Variants in PCDHA3 observed in about 807,000 individuals in gnomAD.
PCDHA3 encodes protocadherin alpha 3.
Under a neutral mutation model 62.2 loss-of-function variants are expected in PCDHA3, and 41 were observed. The ratio of observed to expected loss-of-function variants is 0.66; its 90% CI spans 0.51 to 0.86. The LOEUF is 0.86. Ranked by LOEUF, PCDHA3 falls within the 40% of genes least tolerant of loss-of-function variation. The pLI is 0.00. For missense variants in PCDHA3, 1,304 were observed against 1,241.2 expected (o/e 1.05, Z -0.76); for synonymous variants, 640 against 555.4 (o/e 1.15, Z -2.14).
In PCDHA3 at chr5:140,848,449, A is replaced by C. The variant is rs2150410589; in HGVS notation, c.2394+44858A>C. The C allele has an allele frequency of 8.6e-6, 13 of 1,509,804 alleles. 2 individuals are homozygous for C. In the Admixed American group the frequency reaches 2.4e-4, roughly 28 times the overall value. The allele number at this position is 1,509,804 out of a possible 1,614,324, so 93.5% of individuals were successfully genotyped here. On this transcript the variant is annotated intron_variant, in intron 1 of 3. Coordinates refer to ENST00000522353, the MANE Select transcript of PCDHA3 (RefSeq NM_018906.3). ...CTGACGAAATCAGATGATTTCTTCT[A>C]ATTTGGAGGCAATTTTCACTAATTA...
At chr5:140,842,109 A>C (rs2150329529) in intron 1 of PCDHA3, 16 of 1,613,740 alleles carry the variant, frequency 9.9e-6, no homozygotes, top group Non-Finnish European at 1.4e-5. Context: ...ACAGTTATCA[A>C]ACTGAATGCT....
intron 1 of PCDHA3, chr5:140,966,646 G>A: frequency 1.8e-6 from 2 of 1,139,684 alleles, no homozygotes; most frequent in Non-Finnish European, 2.3e-6. Flanking sequence ...TTTCTAGAGC[G>A]TGAGCGGTGG....
intron 1 of PCDHA3, chr5:140,859,867 TC>T (rs2046061567): frequency 6.6e-6 from 1 of 152,134 alleles, no homozygotes; most frequent in East Asian, 1.9e-4. Context: ...AATATATACT[TC>T]CCCCTCTGAT....
chr5:140,943,751 T>C (rs947548745), intron 1 of PCDHA3, among the ~76,000 whole-genome samples: 1 of 152,048 alleles, frequency 6.6e-6, no homozygotes, highest in South Asian at 2.1e-4. Flanking sequence ...CTAAAAGCAG[T>C]AGGAGATGTA....
chr5:140,853,247 C>T lies in PCDHA3; in HGVS notation c.2394+49656C>T, dbSNP rs985398812. ...GTAATTTAGTCCTTCATATTAATCT[C>T]TATTCTCTCTCAGAGTACAAGCTCT... On this transcript the variant is annotated intron_variant, in intron 1 of 3. Transcript: ENST00000522353. 2 of 976,048 alleles carry T rather than the reference C, an allele frequency of 2.0e-6. 1 individual carries two copies. Among genetic ancestry groups the T allele is most frequent in the Non-Finnish European group, 2.5e-6 (2 of 809,028 alleles). 60.5% of individuals were successfully genotyped at this position (976,048 alleles called of 1,614,324 possible).
chr5:140,869,867 C>A (rs1554163562), intron 1 of PCDHA3: 7 of 1,609,988 alleles, frequency 4.3e-6, no homozygotes, highest in Non-Finnish European at 5.9e-6. Context: ...ATGGAAAATG[C>A]TGCTAAAGAA....
At chr5:140,980,515 A>G (rs779201653) in intron 2 of PCDHA3, among the ~76,000 whole-genome samples, 18 of 152,182 alleles carry the variant, frequency 1.2e-4, no homozygotes, top group Non-Finnish European at 2.5e-4. Flanking sequence ...CTGTAGTTCC[A>G]GCTACTAGGG....
chr5:140,858,176 G>A, intron 1 of PCDHA3: 1 of 1,597,746 alleles, frequency 6.3e-7, no homozygotes, highest in Non-Finnish European at 8.6e-7. Flanking sequence ...CAGCTTGCTG[G>A]TGCTCACGCT....
rs114871325 is a variant in PCDHA3, at chr5:140,841,052, T to C, written c.2394+37461T>C. 3.2e-3 allele frequency: 1,400 copies of C among 431,624 alleles called. 26 individuals carry two copies. The highest frequency in any genetic ancestry group is 0.026 in the African/African-American group (1,290 of 50,274). 26.7% of individuals were successfully genotyped at this position (431,624 alleles called of 1,614,324 possible). ...AATTGATAAAGTTAAGGATTTACTA[T>C]TAAATTATGATAAAGAAATAGAAAG... On this transcript the variant is annotated intron_variant, in intron 1 of 3. Transcript: ENST00000522353.
intron 1 of PCDHA3, chr5:140,843,668 G>C: frequency 6.3e-7 from 1 of 1,593,338 alleles, no homozygotes; most frequent in South Asian, 1.1e-5. Flanking sequence ...TCTGGGATCA[G>C]TTGATGTAGG....
At chr5:140,872,582 G>T (rs535860760) in intron 1 of PCDHA3, among the ~76,000 whole-genome samples, 2 of 152,202 alleles carry the variant, frequency 1.3e-5, no homozygotes, top group African/African-American at 4.8e-5. Context: ...ACCTATCATC[G>T]TGAGACCCCC....
chr5:140,883,722 A>G (rs1249317360), intron 1 of PCDHA3: 1 of 1,613,546 alleles, frequency 6.2e-7, no homozygotes, highest in Non-Finnish European at 8.5e-7. Context: ...GCGGACGCAC[A>G]GGAGAACGCG....
intron 1 of PCDHA3, chr5:140,827,925 T>TG (rs1769455571): frequency 1.0e-6 from 1 of 988,318 alleles, no homozygotes; most frequent in African/African-American, 1.6e-5. Context: ...CTGTCTACCA[T>TG]GAAGTTATAG....
At chr5:140,891,034 G>A (rs1377509789) in intron 1 of PCDHA3, among the ~76,000 whole-genome samples, 1 of 151,488 alleles carries the variant, frequency 6.6e-6, no homozygotes, top group Non-Finnish European at 1.5e-5. Context: ...ATAATCTTAG[G>A]TGTGACCCCC....
chr5:141,009,594 C>G, intron 3 of PCDHA3, 33 bp from the exon 4 acceptor site: 1 of 1,602,468 alleles, frequency 6.2e-7, no homozygotes, highest in Non-Finnish European at 8.5e-7. Context: ...ATGTGTTGAC[C>G]CTGTTAATGA....
chr5:140,982,416 A>C, intron 2 of PCDHA3, 59 bp from the exon 3 acceptor site: 1 of 1,610,294 alleles, frequency 6.2e-7, no homozygotes, highest in Non-Finnish European at 8.5e-7. Context: ...TGAGGGTGGA[A>C]GAAGAGATGG....
At position 140,971,223 on chromosome 5, in the gene PCDHA3, C is replaced by T. The variant is rs904012820; in HGVS notation, c.2395-7726C>T. The stretch of plus-strand genomic sequence containing the variant: ...GACACTGTTACCCTCCCTCTCCTGA[C>T]TCAAAGCTTGGGGCAATTTGATACA... On this transcript the variant is annotated intron_variant, in intron 1 of 3. Transcript: ENST00000522353. Among the ~76,000 whole-genome samples, 3 of 152,148 alleles carry T rather than the reference C, an allele frequency of 2.0e-5. No homozygotes were observed. The South Asian group carries it at 6.2e-4, about 31-fold the overall frequency.
In PCDHA3 at chr5:140,803,246, C is replaced by A; in HGVS notation, c.2049C>A (p.Ser683=). Residue 683 remains serine (S), a synonymous_variant, in exon 1 of 4, where the codon TCC becomes TCA. Coordinates refer to ENST00000522353, the MANE Select transcript of PCDHA3 (RefSeq NM_018906.3). The stretch of plus-strand genomic sequence containing the variant: ...CACCCAAGGCCTCGTCCCAGGCGTC[C>A]GCTGGCGCCACGGGCCCGGAAGCTG... ...GQAPKASSQA[S]AGATGPEAAL... 1.9e-6 allele frequency: 3 copies of A among 1,613,836 alleles called. No homozygotes were observed. The highest frequency in any genetic ancestry group is 2.5e-6 in the Non-Finnish European group (3 of 1,179,954).
At chr5:140,825,422 A>G (rs2150139462) in intron 1 of PCDHA3, 1 of 147,148 alleles carries the variant, frequency 6.8e-6, no homozygotes, top group Non-Finnish European at 1.5e-5. Context: ...TATAATATAT[A>G]TAATAAATAT....
Sources: allele counts gnomAD v4.1 joint callset (sites outside exome capture counted in the v4.1 genomes callset), GRCh38; gene constraint gnomAD v4.1.1; transcripts MANE v1.5; gene names NCBI Gene and HGNC (gene_info 2026-07-23, HGNC 2026-07-21).